KCNIP4: variants seen among roughly 807,000 people sequenced by gnomAD.
KCNIP4 encodes the protein Kv channel-interacting protein 4.
Under a neutral mutation model 34.0 loss-of-function variants are expected in KCNIP4, and 12 were observed. That is an observed-to-expected ratio of 0.35 (90% CI 0.23 to 0.57). KCNIP4 has a LOEUF of 0.57. Among genes scored for constraint, KCNIP4 ranks in the 20% least tolerant of loss-of-function variants. The pLI is 0.83. For synonymous variants in KCNIP4, 124 were observed against 102.2 expected, an observed-to-expected ratio of 1.21 and a Z score of -1.29; for missense variants, 238 against 311.7, an observed-to-expected ratio of 0.76 and a Z score of 1.78.
chr4:21,886,233 C>T (rs1029655744), intron 1 of KCNIP4, among the ~76,000 whole-genome samples: 8 of 152,006 alleles, frequency 5.3e-5, no homozygotes, highest in African/African-American at 1.9e-4. Flanking sequence ...ATGTTATAAA[C>T]TGATTTATAC....
At chr4:21,291,588 G>A (rs751744794) in intron 1 of KCNIP4, among the ~76,000 whole-genome samples, 9 of 151,912 alleles carry the variant, frequency 5.9e-5, no homozygotes, top group African/African-American at 1.2e-4. Flanking sequence ...GGTGGCTCAC[G>A]CCTGTAATCC....
chr4:21,106,578 T>A (rs1748559863), intron 1 of KCNIP4, among the ~76,000 whole-genome samples: 1 of 151,306 alleles, frequency 6.6e-6, no homozygotes, highest in Admixed American at 6.6e-5. Flanking sequence ...TTTGAAGGGT[T>A]TTTTGTGTCT....
At chr4:21,899,348 C>G (rs1727578504) in intron 1 of KCNIP4, among the ~76,000 whole-genome samples, 1 of 152,000 alleles carries the variant, frequency 6.6e-6, no homozygotes, top group Non-Finnish European at 1.5e-5. Flanking sequence ...TGGAGAAAAA[C>G]TGAAAGCTTT....
intron 1 of KCNIP4, among the ~76,000 whole-genome samples, chr4:21,663,454 G>A (rs974474968): frequency 6.6e-6 from 1 of 152,132 alleles, no homozygotes; most frequent in Non-Finnish European, 1.5e-5. Flanking sequence ...TGCTATGACT[G>A]CAGATGCTCC....
At chr4:21,575,119 G>A (rs1034706111) in intron 1 of KCNIP4, among the ~76,000 whole-genome samples, 4 of 152,150 alleles carry the variant, frequency 2.6e-5, no homozygotes, top group African/African-American at 9.7e-5. Flanking sequence ...GCTGACTCCA[G>A]CCTCTGTGGG....
intron 1 of KCNIP4, among the ~76,000 whole-genome samples, chr4:21,181,952 T>G (rs966949545): frequency 3.9e-5 from 6 of 152,180 alleles, no homozygotes; most frequent in African/African-American, 1.4e-4. Context: ...GTCTCCAGTT[T>G]CTACCAATAA....
chr4:20,839,298 G>A (rs1230182501), intron 3 of KCNIP4, among the ~76,000 whole-genome samples: 2 of 151,770 alleles, frequency 1.3e-5, no homozygotes, highest in Non-Finnish European at 2.9e-5. Flanking sequence ...TTTGAATAAA[G>A]CATATATACA....
intron 3 of KCNIP4, among the ~76,000 whole-genome samples, chr4:20,835,206 T>C (rs904956493): frequency 4.6e-5 from 7 of 152,186 alleles, no homozygotes; most frequent in Non-Finnish European, 7.4e-5. Context: ...TGGTTTTCTT[T>C]CCATCTCTCT....
At chr4:21,472,605 A>C (rs1378649541) in intron 1 of KCNIP4, among the ~76,000 whole-genome samples, 1 of 152,036 alleles carries the variant, frequency 6.6e-6, no homozygotes, top group East Asian at 1.9e-4. Flanking sequence ...TGGGTTTTTC[A>C]CTCATGAGTT....
chr4:21,858,097 A>T (rs1036258850), intron 1 of KCNIP4, among the ~76,000 whole-genome samples: 2 of 152,100 alleles, frequency 1.3e-5, no homozygotes, highest in Admixed American at 6.5e-5. Context: ...CCCCATGCTC[A>T]CTCACTCACA....
At chr4:21,864,374 A>G (rs1337668190) in intron 1 of KCNIP4, among the ~76,000 whole-genome samples, 1 of 152,242 alleles carries the variant, frequency 6.6e-6, no homozygotes, top group African/African-American at 2.4e-5. Flanking sequence ...TACTGATACA[A>G]ACATGCTTCT....
At chr4:21,243,801 A>G (rs1385366657) in intron 1 of KCNIP4, among the ~76,000 whole-genome samples, 1 of 152,128 alleles carries the variant, frequency 6.6e-6, no homozygotes, top group Non-Finnish European at 1.5e-5. Context: ...AAAACCAAAA[A>G]TCAACAAAAA....
chr4:21,752,935 C>T (rs13147352), intron 1 of KCNIP4, among the ~76,000 whole-genome samples: 14,003 of 152,218 alleles, frequency 0.092, 680 homozygotes, highest in Middle Eastern at 0.18. Context: ...GATACCCCTG[C>T]TGCATAGCAT....
intron 1 of KCNIP4, among the ~76,000 whole-genome samples, chr4:21,026,763 C>A (rs1740589908): frequency 1.3e-5 from 2 of 152,218 alleles, no homozygotes; most frequent in Non-Finnish European, 2.9e-5. Flanking sequence ...CCTGCAAGGA[C>A]AATGGCTGAG....
At chr4:21,688,076 CTT>C (rs1469872135) in intron 1 of KCNIP4, among the ~76,000 whole-genome samples, 2 of 152,070 alleles carry the variant, frequency 1.3e-5, no homozygotes, top group African/African-American at 2.4e-5. Context: ...GGCAAAGAAA[CTT>C]ATATTTATTT....
intron 1 of KCNIP4, among the ~76,000 whole-genome samples, chr4:21,547,614 A>ACTT (rs1400006597): frequency 2.6e-5 from 4 of 152,092 alleles, no homozygotes; most frequent in African/African-American, 9.7e-5. Flanking sequence ...TACCCTATAA[A>ACTT]CTTAAGCATA....
At chr4:21,127,574 G>A (rs576979234) in intron 1 of KCNIP4, among the ~76,000 whole-genome samples, 2 of 152,260 alleles carry the variant, frequency 1.3e-5, no homozygotes, top group South Asian at 2.1e-4. Context: ...TACAAACACT[G>A]TAGTGGCATG....
intron 1 of KCNIP4, among the ~76,000 whole-genome samples, chr4:21,232,360 G>A (rs1467777556): frequency 6.6e-6 from 1 of 152,050 alleles, no homozygotes; most frequent in Non-Finnish European, 1.5e-5. Context: ...CTTTATCAAT[G>A]ACCATATTGC....
intron 1 of KCNIP4, among the ~76,000 whole-genome samples, chr4:21,304,833 C>G (rs1712261249): frequency 6.6e-6 from 1 of 152,118 alleles, no homozygotes; most frequent in South Asian, 2.1e-4. Context: ...TGCATAGTAT[C>G]TTAGAGTTTA....
Sources: allele counts gnomAD v4.1 joint callset (sites outside exome capture counted in the v4.1 genomes callset), GRCh38; gene constraint gnomAD v4.1.1; transcripts MANE v1.5; gene names NCBI Gene and HGNC (gene_info 2026-07-23, HGNC 2026-07-21).